Variants in NUP107 observed in about 807,000 individuals in gnomAD.
NUP107 encodes the protein nuclear pore complex protein Nup107.
NUP107 carries 101 observed loss-of-function variants against 141.0 expected under a neutral mutation model. That is an observed-to-expected ratio of 0.72 (90% CI 0.61 to 0.84). The LOEUF (loss-of-function observed/expected upper bound fraction) is 0.84, where lower values mean the gene tolerates loss of function less well. Ranked by LOEUF, NUP107 falls within the 40% of genes least tolerant of loss-of-function variation. NUP107 has a pLI of 0.00. For missense variants in NUP107, 941 were observed against 1,102.7 expected (o/e 0.85, Z 2.08); for synonymous variants, 319 against 363.9 (o/e 0.88, Z 1.41).
chr12:68,727,378 A>G lies in NUP107; in HGVS notation c.1723A>G (p.Thr575Ala). Reference sequence around the variant, plus strand: ...GGAAGTTTCTATTGAAGTTTTAAAGACATACATACAGGTAAACTTTGAGAA... The same window carrying G: ...GGAAGTTTCTATTGAAGTTTTAAAGGCATACATACAGGTAAACTTTGAGAA... ...KEEVSIEVLK[T>A]YIQLLIREKH... The change falls in exon 20 of 28, where the codon ACA becomes GCA. Residue 575 changes from threonine to alanine, a missense_variant. Thr to Ala is a moderately conservative substitution (Grantham distance 58). Transcript: ENST00000229179. 2 of 1,506,464 alleles carry G rather than the reference A, an allele frequency of 1.3e-6. No individual in the cohort carries two copies. Among genetic ancestry groups the G allele is most frequent in the Non-Finnish European group, 1.8e-6 (2 of 1,094,642 alleles). 93.3% of individuals were successfully genotyped at this position (1,506,464 alleles called of 1,614,324 possible).
intron 10 of NUP107, 114 bp from the exon 11 acceptor site, chr12:68,713,616 A>G: frequency 1.3e-6 from 1 of 750,256 alleles, no homozygotes; most frequent in Non-Finnish European, 2.2e-6. Flanking sequence ...GGATTTTTGC[A>G]TGTTTTTACT....
At chr12:68,696,736 T>C in intron 5 of NUP107, 83 bp from the exon 6 acceptor site, 1 of 753,374 alleles carries the variant, frequency 1.3e-6, no homozygotes, top group Non-Finnish European at 2.1e-6. Context: ...AACAAATAAA[T>C]ACATTTTCAA....
chr12:68,735,092 T>C, intron 25 of NUP107, 139 bp from the exon 26 acceptor site: 2 of 716,410 alleles, frequency 2.8e-6, no homozygotes, highest in Non-Finnish European at 4.7e-6. Flanking sequence ...AGTCTGTTGA[T>C]ACTTATTTTT....
chr12:68,712,418 CAAAAAAAAAAAAA>C (rs745430819), intron 10 of NUP107, among the ~76,000 whole-genome samples: 2 of 63,848 alleles, frequency 3.1e-5, no homozygotes, highest in African/African-American at 1.2e-4. Context: ...AACTCCATCT[CAAAAAAAAAAAAA>C]AAAAAAAAAA....
At chr12:68,704,349 T>C (rs1876476304) in intron 8 of NUP107, among the ~76,000 whole-genome samples, 1 of 152,238 alleles carries the variant, frequency 6.6e-6, no homozygotes. Flanking sequence ...ATAAACCAGC[T>C]ATATCTGTTT....
intron 11 of NUP107, chr12:68,714,121 T>A (rs946011561): frequency 9.0e-6 from 2 of 222,902 alleles, no homozygotes; most frequent in Admixed American, 1.2e-4. Context: ...AGCTCTTTTA[T>A]GTTGAAAGCA....
intron 8 of NUP107, among the ~76,000 whole-genome samples, chr12:68,703,616 A>T (rs1001265995): frequency 2.0e-5 from 3 of 151,780 alleles, no homozygotes; most frequent in African/African-American, 7.3e-5. Context: ...ACGCCTGGCT[A>T]ATTTTTGTGT....
intron 3 of NUP107, 114 bp from the exon 4 acceptor site, chr12:68,690,517 A>T: frequency 8.0e-7 from 1 of 1,243,900 alleles, no homozygotes; most frequent in Admixed American, 2.2e-5. Flanking sequence ...ATTTGGTTAG[A>T]GTCTAAATAA....
intron 13 of NUP107, 36 bp from the exon 14 acceptor site, chr12:68,719,542 A>T: frequency 6.3e-7 from 1 of 1,584,372 alleles, no homozygotes. Flanking sequence ...ATAAGGTCTT[A>T]TTTTAAACCA....
At chr12:68,730,544 C>T (rs1049870946) in intron 20 of NUP107, among the ~76,000 whole-genome samples, 1 of 152,182 alleles carries the variant, frequency 6.6e-6, no homozygotes, top group African/African-American at 2.4e-5. Context: ...GCCTCAGCCT[C>T]CCAAAGTACT....
chr12:68,735,066 C>G (rs951392675), intron 25 of NUP107, among the ~76,000 whole-genome samples, 165 bp from the exon 26 acceptor site: 2 of 152,108 alleles, frequency 1.3e-5, no homozygotes, highest in African/African-American at 2.4e-5. Flanking sequence ...AACATTTTAG[C>G]GTTTTACTTA....
At chr12:68,696,239 C>T (rs1054114197) in intron 5 of NUP107, among the ~76,000 whole-genome samples, 2 of 152,032 alleles carry the variant, frequency 1.3e-5, no homozygotes, top group Non-Finnish European at 2.9e-5. Flanking sequence ...GTGGCACGCA[C>T]CTGTAGTCCC....
chr12:68,734,566 G>A (rs1331528821), intron 24 of NUP107, 142 bp from the exon 25 acceptor site: 22 of 638,088 alleles, frequency 3.4e-5, no homozygotes, highest in Non-Finnish European at 5.0e-5. Context: ...ATTTTTGGAG[G>A]GAAAAAAATA....
chr12:68,696,009 T>TA lies in NUP107; in HGVS notation c.449-796dup, dbSNP rs902805156. Among the ~76,000 whole-genome samples the TA allele has an allele frequency of 1.1e-3, 152 of 138,600 alleles. No individual in the cohort carries two copies. In the East Asian group the frequency reaches 0.013, roughly 11 times the overall value. 90.9% of individuals were successfully genotyped at this position (138,600 alleles called of 152,430 possible). A position where few individuals can be genotyped will look rare whatever the true frequency, so the allele number is the denominator to read the frequency against. On this transcript the variant is annotated intron_variant, in intron 5 of 27. Transcript: ENST00000229179. ...GTGACAGAGCAAGATCCCCCTCTCT[T>TA]AAAAAAAAAAAAAAGAAAAATGATT...
In NUP107 at chr12:68,738,364, C is replaced by A. The variant is rs577789420; in HGVS notation, c.2502+3020C>A. ...ACTAGGGAGGTGGAGGCAGGAGAAT[C>A]GATTGAACCCAGGGAGGCGGAGGTT... On this transcript the variant is annotated intron_variant, in intron 26 of 27. Transcript: ENST00000229179. Among the ~76,000 whole-genome samples, 37 of 149,652 alleles carry A rather than the reference C, an allele frequency of 2.5e-4. 1 individual carries two copies. The South Asian group carries it at 7.5e-3, about 30-fold the overall frequency.
rs2701097 is a variant in NUP107, at chr12:68,715,837, T to C, written c.1083+97T>C. On this transcript the variant is annotated intron_variant, in intron 12 of 27. Transcript: ENST00000229179. ...GGCTGCCTAGTAAGCCTTCTTAATG[T>C]AGTAATTCCATTCATGGTATTTCTA... 0.31 allele frequency: 192,936 copies of C among 619,952 alleles called. 30,470 individuals are homozygous for C. Among genetic ancestry groups the C allele is most frequent in the Middle Eastern group, 0.35 (1,299 of 3,754 alleles). The allele number at this position is 619,952 out of a possible 1,614,324, so 38.4% of individuals were successfully genotyped here.
chr12:68,692,283 A>G (rs1332067557), intron 5 of NUP107, 171 bp downstream of exon 5: 2 of 660,212 alleles, frequency 3.0e-6, no homozygotes, highest in Non-Finnish European at 4.7e-6. Flanking sequence ...TTTTTGAGAC[A>G]AGAGTCTCAC....
At chr12:68,692,794 G>A (rs35170418) in intron 5 of NUP107, among the ~76,000 whole-genome samples, 18 of 146,366 alleles carry the variant, frequency 1.2e-4, no homozygotes, top group African/African-American at 4.0e-4. Context: ...CTGTCACCCA[G>A]ACTGGAGTGG....
chr12:68,714,540 AAGT>A (rs1198641895), intron 11 of NUP107, among the ~76,000 whole-genome samples: 1 of 152,216 alleles, frequency 6.6e-6, no homozygotes, highest in Non-Finnish European at 1.5e-5. Context: ...ATATTTATGA[AAGT>A]AGTGAATTGA....
Sources: allele counts gnomAD v4.1 joint callset (sites outside exome capture counted in the v4.1 genomes callset), GRCh38; gene constraint gnomAD v4.1.1; transcripts MANE v1.5; gene names NCBI Gene and HGNC (gene_info 2026-07-23, HGNC 2026-07-21).